Variants in ZNRF3 observed in about 807,000 individuals in gnomAD.
ZNRF3 encodes E3 ubiquitin-protein ligase ZNRF3.
ZNRF3 carries 23 observed loss-of-function variants against 72.5 expected under a neutral mutation model. The ratio of observed to expected loss-of-function variants is 0.32; its 90% CI spans 0.23 to 0.45. The LOEUF is 0.45. ZNRF3 is among the 20% of genes least tolerant of loss of function. The pLI is 1.00. For missense variants in ZNRF3, 1,169 were observed against 1,272.1 expected, an observed-to-expected ratio of 0.92 and a Z score of 1.23; for synonymous variants, 610 against 545.3, an observed-to-expected ratio of 1.12 and a Z score of -1.65.
chr22:28,938,024 T>G lies in ZNRF3; in HGVS notation c.301-49052T>G, dbSNP rs182025231. Among the ~76,000 whole-genome samples, 57 of 152,296 alleles carry G rather than the reference T, an allele frequency of 3.7e-4. No individual in the cohort carries two copies. In the East Asian group the frequency reaches 9.8e-3, roughly 26 times the overall value. ...GAACAAAGGAGCCAACATTGATACA[T>G]TACTGTTAACTCCACATTGTTACTG... On this transcript the variant is annotated intron_variant, in intron 1 of 8. Coordinates refer to ENST00000544604, the MANE Select transcript of ZNRF3 (RefSeq NM_001206998.2).
chr22:29,034,973 G>A (rs2036839567), intron 2 of ZNRF3, among the ~76,000 whole-genome samples: 2 of 148,490 alleles, frequency 1.3e-5, no homozygotes. Flanking sequence ...TGTGAACCAT[G>A]CCCAGGGCAG....
At chr22:29,000,051 G>C (rs1190473069) in intron 2 of ZNRF3, among the ~76,000 whole-genome samples, 1 of 152,230 alleles carries the variant, frequency 6.6e-6, no homozygotes, top group South Asian at 2.1e-4. Context: ...TCCAAATCAA[G>C]CATCAGGCTC....
intron 1 of ZNRF3, among the ~76,000 whole-genome samples, chr22:28,954,221 T>C (rs1348020494): frequency 2.6e-5 from 4 of 152,184 alleles, no homozygotes; most frequent in African/African-American, 9.6e-5. Flanking sequence ...TTATTTCTCA[T>C]AGTTCTAGGT....
intron 1 of ZNRF3, among the ~76,000 whole-genome samples, chr22:28,922,479 C>A (rs761428560): frequency 6.6e-6 from 1 of 152,154 alleles, no homozygotes; most frequent in Non-Finnish European, 1.5e-5. Flanking sequence ...GATCCGTATT[C>A]GCACTGTTAC....
chr22:29,009,661 G>T (rs1315399628), intron 2 of ZNRF3, among the ~76,000 whole-genome samples: 1 of 152,066 alleles, frequency 6.6e-6, no homozygotes, highest in African/African-American at 2.4e-5. Flanking sequence ...TTATATACCT[G>T]AATTAAAAAG....
chr22:29,009,482 C>T (rs970957480), intron 2 of ZNRF3, among the ~76,000 whole-genome samples: 11 of 151,932 alleles, frequency 7.2e-5, no homozygotes, highest in Non-Finnish European at 1.3e-4. Context: ...AAGAGTAGTG[C>T]GCGGTGGAGG....
chr22:29,003,326 T>C (rs1033217517), intron 2 of ZNRF3, among the ~76,000 whole-genome samples: 25 of 151,894 alleles, frequency 1.6e-4, no homozygotes, highest in South Asian at 1.3e-3. Flanking sequence ...ACCATCCTGG[T>C]TAACACGATG....
intron 2 of ZNRF3, among the ~76,000 whole-genome samples, chr22:28,990,131 GC>G (rs2035928927): frequency 1.3e-5 from 2 of 152,198 alleles, no homozygotes; most frequent in African/African-American, 4.8e-5. Flanking sequence ...GCCAGGCCAG[GC>G]CCAGCCTCAG....
intron 1 of ZNRF3, among the ~76,000 whole-genome samples, chr22:28,984,207 A>AT (rs2035815038): frequency 6.6e-6 from 1 of 151,996 alleles, no homozygotes; most frequent in Non-Finnish European, 1.5e-5. Flanking sequence ...ATTAAGTGGC[A>AT]TTTAATATGT....
At chr22:28,932,537 T>C (rs2034725510) in intron 1 of ZNRF3, among the ~76,000 whole-genome samples, 1 of 152,158 alleles carries the variant, frequency 6.6e-6, no homozygotes, top group Non-Finnish European at 1.5e-5. Flanking sequence ...ATTGGGTCTT[T>C]GTGCGCATGT....
chr22:28,967,488 A>G (rs546880229), intron 1 of ZNRF3, among the ~76,000 whole-genome samples: 2 of 152,362 alleles, frequency 1.3e-5, no homozygotes, highest in South Asian at 4.1e-4. Flanking sequence ...GTGAAGTAGA[A>G]CCGTGGACAG....
At chr22:28,993,211 T>C (rs1024188223) in intron 2 of ZNRF3, among the ~76,000 whole-genome samples, 9 of 152,210 alleles carry the variant, frequency 5.9e-5, no homozygotes, top group African/African-American at 2.2e-4. Flanking sequence ...ACTAGATGTT[T>C]TGAGGAACCC....
intron 2 of ZNRF3, among the ~76,000 whole-genome samples, chr22:29,003,552 C>G (rs2036190987): frequency 6.6e-6 from 1 of 150,974 alleles, no homozygotes; most frequent in Non-Finnish European, 1.5e-5. Flanking sequence ...GTGCACGCAT[C>G]TCTTAAGAAG....
intron 1 of ZNRF3, among the ~76,000 whole-genome samples, chr22:28,981,470 G>A (rs1263042981): frequency 6.6e-6 from 1 of 152,176 alleles, no homozygotes; most frequent in Non-Finnish European, 1.5e-5. Flanking sequence ...GATTATAGGT[G>A]TGTGTCACTA....
At chr22:28,889,818 G>A (rs1252813177) in intron 1 of ZNRF3, among the ~76,000 whole-genome samples, 2 of 152,160 alleles carry the variant, frequency 1.3e-5, no homozygotes, top group Admixed American at 1.3e-4. Flanking sequence ...GTATAGTTCC[G>A]TTTCATAGTT....
intron 1 of ZNRF3, among the ~76,000 whole-genome samples, chr22:28,934,312 A>ACC (rs2034778969): frequency 6.6e-6 from 1 of 152,178 alleles, no homozygotes; most frequent in Non-Finnish European, 1.5e-5. Flanking sequence ...ACCCTTTGGA[A>ACC]AAAGAGCTGA....
chr22:28,962,937 T>C (rs1296367077), intron 1 of ZNRF3, among the ~76,000 whole-genome samples: 65 of 152,356 alleles, frequency 4.3e-4, no homozygotes, highest in African/African-American at 1.5e-3. Context: ...CTGAACATCC[T>C]TTTGGAAAGA....
At chr22:28,887,220 A>AAGAG (rs67943780) in intron 1 of ZNRF3, among the ~76,000 whole-genome samples, 385 of 148,054 alleles carry the variant, frequency 2.6e-3, no homozygotes, top group Middle Eastern at 6.8e-3. Flanking sequence ...TATGCCAACG[A>AAGAG]AGAGAGAGAG....
intron 1 of ZNRF3, among the ~76,000 whole-genome samples, chr22:28,947,499 C>T (rs1013012571): frequency 3.3e-5 from 5 of 152,204 alleles, no homozygotes; most frequent in African/African-American, 1.2e-4. Context: ...CTAATTTCTC[C>T]ATACCCTCTC....
Sources: allele counts gnomAD v4.1 joint callset (sites outside exome capture counted in the v4.1 genomes callset), GRCh38; gene constraint gnomAD v4.1.1; transcripts MANE v1.5; gene names NCBI Gene and HGNC (gene_info 2026-07-23, HGNC 2026-07-21).